Variants in NRG1 observed in about 807,000 individuals in gnomAD.
The protein encoded by NRG1 is pro-neuregulin-1, membrane-bound isoform.
Under a neutral mutation model 63.8 loss-of-function variants are expected in NRG1, and 18 were observed. That is an observed-to-expected ratio of 0.28 (90% CI 0.19 to 0.42). The LOEUF is 0.42. NRG1 is among the 10% of genes least tolerant of loss of function. NRG1 has a pLI of 1.00. For missense variants in NRG1, 762 were observed against 814.7 expected (o/e 0.94, Z 0.79); for synonymous variants, 302 against 301.3 (o/e 1.00, Z -0.02).
chr8:32,016,801 G>T (rs905334470), intron 1 of NRG1, among the ~76,000 whole-genome samples: 4 of 152,142 alleles, frequency 2.6e-5, no homozygotes, highest in African/African-American at 9.7e-5. Context: ...GCGAGGATTT[G>T]GGAGATGGTG....
At chr8:32,585,415 C>G (rs1371840874) in intron 1 of NRG1, among the ~76,000 whole-genome samples, 1 of 152,174 alleles carries the variant, frequency 6.6e-6, no homozygotes. Flanking sequence ...ATCAATTAGG[C>G]AGGCCTGCTG....
intron 1 of NRG1, among the ~76,000 whole-genome samples, chr8:31,837,708 T>C (rs1176950732): frequency 6.6e-6 from 1 of 152,104 alleles, no homozygotes; most frequent in African/African-American, 2.4e-5. Flanking sequence ...TTTTTCTAGA[T>C]TCTACATGAG....
intron 1 of NRG1, among the ~76,000 whole-genome samples, chr8:32,065,623 G>A: frequency 6.6e-6 from 1 of 152,154 alleles, no homozygotes. Context: ...CTTTGCTATT[G>A]TGAATAGTGC....
At chr8:32,100,133 T>C (rs1218642241) in intron 1 of NRG1, among the ~76,000 whole-genome samples, 1 of 151,924 alleles carries the variant, frequency 6.6e-6, no homozygotes, top group African/African-American at 2.4e-5. Flanking sequence ...CCTCCTTCCC[T>C]CTGCCTCCTC....
At chr8:32,548,914 CCCCTCT>C in intron 1 of NRG1, 88 bp downstream of exon 1, 1 of 1,435,582 alleles carries the variant, frequency 7.0e-7, no homozygotes, top group Non-Finnish European at 9.2e-7. Context: ...CCTCTCCCTC[CCCCTCT>C]CCCTCGCCCG....
chr8:32,312,173 T>G (rs1186561694), intron 1 of NRG1, among the ~76,000 whole-genome samples: 3 of 138,264 alleles, frequency 2.2e-5, no homozygotes, highest in Non-Finnish European at 4.7e-5. Flanking sequence ...TTTTTTTTTT[T>G]TTTTTTTGAG....
intron 5 of NRG1, among the ~76,000 whole-genome samples, chr8:32,665,708 A>C (rs1275336691): frequency 6.6e-6 from 1 of 152,212 alleles, no homozygotes; most frequent in Non-Finnish European, 1.5e-5. Context: ...TGCTGCTCAA[A>C]AACAAGCCAT....
At chr8:32,034,551 G>T (rs1818751720) in intron 1 of NRG1, among the ~76,000 whole-genome samples, 3 of 152,132 alleles carry the variant, frequency 2.0e-5, no homozygotes, top group Admixed American at 2.0e-4. Context: ...ACCTCTGATA[G>T]AATTCAGCTG....
At chr8:32,314,403 A>G (rs745480767) in intron 1 of NRG1, among the ~76,000 whole-genome samples, 10 of 151,832 alleles carry the variant, frequency 6.6e-5, no homozygotes, top group Admixed American at 6.6e-5. Flanking sequence ...GTGCTGATGC[A>G]ATTCTGTTCC....
At chr8:32,478,748 C>G (rs1459655166) in intron 1 of NRG1, among the ~76,000 whole-genome samples, 1 of 152,132 alleles carries the variant, frequency 6.6e-6, no homozygotes, top group Non-Finnish European at 1.5e-5. Flanking sequence ...TTCAAATTGT[C>G]CTTTGGCATT....
At chr8:32,594,274 T>C (rs1456513447) in intron 1 of NRG1, among the ~76,000 whole-genome samples, 1 of 152,168 alleles carries the variant, frequency 6.6e-6, no homozygotes, top group Non-Finnish European at 1.5e-5. Context: ...CAGGGAGGTA[T>C]AGACTCATTT....
chr8:32,501,799 T>G (rs1199709659), intron 1 of NRG1, among the ~76,000 whole-genome samples: 1 of 152,172 alleles, frequency 6.6e-6, no homozygotes, highest in Non-Finnish European at 1.5e-5. Flanking sequence ...GGTGTATCAC[T>G]CAAGAGGTAA....
intron 5 of NRG1, among the ~76,000 whole-genome samples, chr8:32,620,576 A>T (rs1848162320): frequency 6.6e-6 from 1 of 151,156 alleles, no homozygotes; most frequent in Non-Finnish European, 1.5e-5. Context: ...TAATCCTAGC[A>T]CTTTGAGAGG....
chr8:31,738,122 G>A (rs543877287), intron 1 of NRG1, among the ~76,000 whole-genome samples: 1 of 152,194 alleles, frequency 6.6e-6, no homozygotes, highest in African/African-American at 2.4e-5. Flanking sequence ...AACCAGTAGG[G>A]AGGATGTTGC....
intron 5 of NRG1, among the ~76,000 whole-genome samples, chr8:32,668,161 C>T (rs1283913150): frequency 2.6e-5 from 4 of 151,300 alleles, no homozygotes; most frequent in East Asian, 1.9e-4. Context: ...TGTAGTGAGC[C>T]GAGATCTCAT....
intron 1 of NRG1, among the ~76,000 whole-genome samples, chr8:32,401,715 C>T (rs1813235468): frequency 6.6e-6 from 1 of 152,080 alleles, no homozygotes; most frequent in South Asian, 2.1e-4. Flanking sequence ...AGAAGAACAA[C>T]AGACACTGGG....
At chr8:32,453,009 CTA>C (rs1035644854) in intron 1 of NRG1, among the ~76,000 whole-genome samples, 5 of 152,134 alleles carry the variant, frequency 3.3e-5, no homozygotes, top group Admixed American at 6.5e-5. Flanking sequence ...CCATTGATGT[CTA>C]CTCTCGTTAA....
chr8:31,805,535 GA>G (rs1822181523), intron 1 of NRG1, among the ~76,000 whole-genome samples: 1 of 151,960 alleles, frequency 6.6e-6, no homozygotes, highest in African/African-American at 2.4e-5. Context: ...TCTTTAAAAT[GA>G]AGTGAATACC....
At chr8:31,767,866 A>C (rs1377634395) in intron 1 of NRG1, among the ~76,000 whole-genome samples, 1 of 149,202 alleles carries the variant, frequency 6.7e-6, no homozygotes, top group East Asian at 2.0e-4. Flanking sequence ...AAAAAAAAAA[A>C]CTTAAGTAAT....
Sources: allele counts gnomAD v4.1 joint callset (sites outside exome capture counted in the v4.1 genomes callset), GRCh38; gene constraint gnomAD v4.1.1; transcripts MANE v1.5; gene names NCBI Gene and HGNC (gene_info 2026-07-23, HGNC 2026-07-21).